The following GADL1 variants were observed in gnomAD, a reference collection of about 807,000 sequenced individuals.
GADL1 encodes acidic amino acid decarboxylase GADL1.
GADL1 carries 71 observed loss-of-function variants against 69.5 expected under a neutral mutation model. That is an observed-to-expected ratio of 1.02 (90% CI 0.84 to 1.25). The LOEUF is 1.25. Among genes scored for constraint, GADL1 ranks in the 50% most tolerant of loss-of-function variants. GADL1 has a pLI of 0.00. For missense variants in GADL1, 737 were observed against 631.8 expected (o/e 1.17, Z -1.79); for synonymous variants, 254 against 214.4 (o/e 1.18, Z -1.62).
intron 8 of GADL1, among the ~76,000 whole-genome samples, chr3:30,839,368 G>GT (rs1443636269): frequency 6.6e-6 from 1 of 151,796 alleles, no homozygotes; most frequent in African/African-American, 2.4e-5. Context: ...TTATTCTCAT[G>GT]TTTTTTGTAA....
At chr3:30,854,914 G>A (rs1035947194) in intron 3 of GADL1, 125 bp from the exon 4 acceptor site, 27 of 581,162 alleles carry the variant, frequency 4.6e-5, no homozygotes, top group African/African-American at 7.6e-5. Flanking sequence ...TATATATAAC[G>A]TAATTCCATT....
At chr3:30,866,221 G>T (rs1575240806) in intron 1 of GADL1, among the ~76,000 whole-genome samples, 1 of 152,014 alleles carries the variant, frequency 6.6e-6, no homozygotes, top group Non-Finnish European at 1.5e-5. Flanking sequence ...ACTTTGGGAG[G>T]CTGAGGCAGG....
At chr3:30,756,066 G>C (rs912919870) in intron 14 of GADL1, among the ~76,000 whole-genome samples, 2 of 152,178 alleles carry the variant, frequency 1.3e-5, no homozygotes, top group African/African-American at 4.8e-5. Context: ...CTGTGCAGGA[G>C]GAGTTTCACA....
intron 13 of GADL1, among the ~76,000 whole-genome samples, chr3:30,784,575 T>A (rs1696748275): frequency 6.6e-6 from 1 of 152,214 alleles, no homozygotes; most frequent in Admixed American, 6.5e-5. Flanking sequence ...GGGGAATCCA[T>A]GCTCTAGATT....
At chr3:30,852,920 C>T (rs933602712) in intron 4 of GADL1, among the ~76,000 whole-genome samples, 4 of 152,112 alleles carry the variant, frequency 2.6e-5, no homozygotes, top group African/African-American at 9.6e-5. Context: ...CTCACTGTAA[C>T]TGATTGTAAC....
chr3:30,835,297 A>G (rs2125524421), intron 9 of GADL1, among the ~76,000 whole-genome samples: 1 of 152,212 alleles, frequency 6.6e-6, no homozygotes, highest in South Asian at 2.1e-4. Context: ...GCTTTAGGCA[A>G]TAGGTAAGTT....
intron 13 of GADL1, chr3:30,778,992 A>C (rs1696598259): frequency 6.6e-6 from 1 of 152,180 alleles, no homozygotes; most frequent in Non-Finnish European, 1.5e-5. Context: ...CGGGCAGTTT[A>C]TGTTCTATCA....
At chr3:30,820,299 C>T (rs898748191) in intron 11 of GADL1, among the ~76,000 whole-genome samples, 8 of 151,772 alleles carry the variant, frequency 5.3e-5, no homozygotes, top group Non-Finnish European at 1.0e-4. Context: ...TAACTTAGGG[C>T]AACTTCAATA....
chr3:30,769,020 G>C (rs1319679508), intron 14 of GADL1, among the ~76,000 whole-genome samples: 2 of 152,132 alleles, frequency 1.3e-5, no homozygotes, highest in African/African-American at 2.4e-5. Flanking sequence ...ACTGCATCAA[G>C]TCCAGAGCAT....
chr3:30,758,672 T>A (rs1696041632), intron 14 of GADL1, among the ~76,000 whole-genome samples: 2 of 152,194 alleles, frequency 1.3e-5, no homozygotes, highest in South Asian at 2.1e-4. Flanking sequence ...TAAAAACTAT[T>A]CCTGGATTCT....
chr3:30,824,764 G>A (rs895938615), intron 11 of GADL1, among the ~76,000 whole-genome samples: 31 of 150,712 alleles, frequency 2.1e-4, no homozygotes, highest in Admixed American at 2.0e-4. Flanking sequence ...TAACTACAGA[G>A]CAAAACTAAT....
intron 1 of GADL1, among the ~76,000 whole-genome samples, chr3:30,864,512 T>C (rs1230679093): frequency 6.6e-6 from 1 of 152,002 alleles, no homozygotes; most frequent in Non-Finnish European, 1.5e-5. Flanking sequence ...CACAATTATC[T>C]AGGAGAAAAT....
intron 14 of GADL1, among the ~76,000 whole-genome samples, chr3:30,760,719 T>G (rs1230320986): frequency 1.3e-5 from 2 of 152,188 alleles, no homozygotes; most frequent in Non-Finnish European, 2.9e-5. Flanking sequence ...AAATCATTCT[T>G]GTAAAGCAAT....
intron 1 of GADL1, among the ~76,000 whole-genome samples, chr3:30,893,586 G>A (rs1168583300): frequency 6.6e-6 from 1 of 151,756 alleles, no homozygotes; most frequent in Non-Finnish European, 1.5e-5. Context: ...CTAAGTGCCA[G>A]GTTTTATTAT....
At position 30,894,632 on chromosome 3, in the gene GADL1, A is replaced by G; in HGVS notation, c.-18T>C. 1 of 1,549,446 alleles carries G rather than the reference A, an allele frequency of 6.5e-7. No individual in the cohort carries two copies. Among genetic ancestry groups the G allele is most frequent in the African/African-American group, 1.4e-5 (1 of 73,060 alleles). ...CTGCTCATCTCCGCTCCCCCACTCC[A>G]GGCTGCCCCGGGCGCGGCTCCCGCA... On this transcript the variant is annotated 5_prime_UTR_variant, in exon 1 of 15. Transcript: ENST00000282538.
Position 30,881,912 on chromosome 3 carries a change from G to T in GADL1, c.37+12666C>A, listed in dbSNP as rs112309808. Among the ~76,000 whole-genome samples, 448 of 151,912 alleles carry T rather than the reference G, an allele frequency of 2.9e-3. 4 individuals are homozygous for T. Among genetic ancestry groups the T allele is most frequent in the African/African-American group, 9.4e-3 (391 of 41,464 alleles). ...GAGTGTAGCCTCCTGTTGCTGTCTTGCCTGTCTACCTTCCATCATGGAATG... is the reference window on the plus strand; with the variant it reads ...GAGTGTAGCCTCCTGTTGCTGTCTTTCCTGTCTACCTTCCATCATGGAATG... On this transcript the variant is annotated intron_variant, in intron 1 of 14. Coordinates refer to ENST00000282538, the MANE Select transcript of GADL1 (RefSeq NM_207359.3).
intron 14 of GADL1, among the ~76,000 whole-genome samples, chr3:30,762,200 A>T (rs1360033923): frequency 6.6e-6 from 1 of 152,136 alleles, no homozygotes; most frequent in Admixed American, 6.5e-5. Flanking sequence ...AGTGAAGAGA[A>T]GAGGGGCTTG....
chr3:30,772,511 T>TATC, intron 14 of GADL1, among the ~76,000 whole-genome samples: 1 of 152,270 alleles, frequency 6.6e-6, no homozygotes, highest in East Asian at 1.9e-4. Flanking sequence ...TCATCCTCAA[T>TATC]ATCTGACCAC....
At chr3:30,829,651 C>T (rs147437429) in intron 11 of GADL1, among the ~76,000 whole-genome samples, 86 of 151,982 alleles carry the variant, frequency 5.7e-4, no homozygotes, top group Non-Finnish European at 1.0e-3. Context: ...TTCTTAGTTA[C>T]TGCTGACATG....
Sources: allele counts gnomAD v4.1 joint callset (sites outside exome capture counted in the v4.1 genomes callset), GRCh38; gene constraint gnomAD v4.1.1; transcripts MANE v1.5; gene names NCBI Gene and HGNC (gene_info 2026-07-23, HGNC 2026-07-21).